Variants in PCDHGA11 observed in about 807,000 individuals in gnomAD.
PCDHGA11 encodes the protein protocadherin gamma-A11.
Under a neutral mutation model 60.4 loss-of-function variants are expected in PCDHGA11, and 39 were observed. The ratio of observed to expected loss-of-function variants is 0.65; its 90% confidence interval spans 0.50 to 0.84. PCDHGA11 has a LOEUF of 0.84. Among genes scored for constraint, PCDHGA11 ranks in the 40% least tolerant of loss-of-function variants. PCDHGA11 has a pLI of 0.00. For synonymous variants in PCDHGA11, 533 were observed against 510.3 expected (o/e 1.04, Z -0.60); for missense variants, 1,165 against 1,197.7 (o/e 0.97, Z 0.40).
rs554661873 is a variant in PCDHGA11, at chr5:141,487,723, T to C, written c.2434-7084T>C. ...GCCTCTCAGTAAGTGCCCATAGTGATGTCACCATTTTTGTAAGAGGTAACT... is the reference window on the plus strand; with the variant it reads ...GCCTCTCAGTAAGTGCCCATAGTGACGTCACCATTTTTGTAAGAGGTAACT... On this transcript the variant is annotated intron_variant, in intron 1 of 3. Transcript: ENST00000398587. The surrounding 1 kb of genome is among the most constrained non-coding windows in gnomAD (Gnocchi z 5.0). The C allele has an allele frequency of 2.6e-5, 41 of 1,574,932 alleles. No homozygotes were observed. Among genetic ancestry groups the C allele is most frequent in the Non-Finnish European group, 5.2e-6 (6 of 1,158,382 alleles).
chr5:141,444,152 A>AT (rs747671382), intron 1 of PCDHGA11, among the ~76,000 whole-genome samples: 1,130 of 33,890 alleles, frequency 0.033, 460 homozygotes, highest in Non-Finnish European at 0.038. Flanking sequence ...TGTGTACTGG[A>AT]TTTTTTTTTT....
intron 1 of PCDHGA11, among the ~76,000 whole-genome samples, chr5:141,445,784 G>A (rs2098477494): frequency 6.6e-6 from 1 of 152,168 alleles, no homozygotes; most frequent in Non-Finnish European, 1.5e-5. Flanking sequence ...GGGCTAGGGA[G>A]GCTAGAAACA....
intron 1 of PCDHGA11, chr5:141,478,531 C>G (rs771145308): frequency 1.2e-6 from 2 of 1,608,190 alleles, no homozygotes; most frequent in East Asian, 2.2e-5. Context: ...GTGCAGAGAG[C>G]GCCCCTCCCG....
At chr5:141,507,563 G>A (rs2099861587) in intron 3 of PCDHGA11, among the ~76,000 whole-genome samples, 1 of 152,222 alleles carries the variant, frequency 6.6e-6, no homozygotes, top group Non-Finnish European at 1.5e-5. Flanking sequence ...CAGGCGGCTG[G>A]GTCTGAGGAG....
In PCDHGA11 at chr5:141,486,828, G is replaced by T. The variant is rs140257646; in HGVS notation, c.2434-7979G>T. ...CCCCTTAGCAGCACTGTAACAGTTC[G>T]TCTATTTGTGCTGGACCTCAATGAC... On this transcript the variant is annotated intron_variant, in intron 1 of 3. Coordinates refer to ENST00000398587, the MANE Select transcript of PCDHGA11 (RefSeq NM_018914.3). This position sits in a 1 kb window ranked among gnomAD's most constrained non-coding sequence, Gnocchi z 5.0. The T allele has an allele frequency of 8.7e-6, 14 of 1,614,218 alleles. No homozygotes were observed. The highest frequency in any genetic ancestry group is 1.2e-5 in the Non-Finnish European group (14 of 1,180,042).
intron 1 of PCDHGA11, among the ~76,000 whole-genome samples, chr5:141,450,777 G>A (rs907160074): frequency 1.3e-5 from 2 of 150,004 alleles, no homozygotes; most frequent in East Asian, 2.0e-4. Context: ...ATGAGCCACC[G>A]TGCCCGGACC....
rs1452697214 is a variant in PCDHGA11, at chr5:141,476,552, G to A, written c.2434-18255G>A. ...CCAGGAAATGAAATTGGAGATTAGCGAGGCCGTGGCTCCGGGGACGCGCTT... is the reference window on the plus strand; with the variant it reads ...CCAGGAAATGAAATTGGAGATTAGCAAGGCCGTGGCTCCGGGGACGCGCTT... On this transcript the variant is annotated intron_variant, in intron 1 of 3. Transcript: ENST00000398587. The surrounding 1 kb of genome is among the most constrained non-coding windows in gnomAD (Gnocchi z 7.6). 1 of 1,614,210 alleles carries A rather than the reference G, an allele frequency of 6.2e-7. No homozygotes were observed. Among genetic ancestry groups the A allele is most frequent in the Non-Finnish European group, 8.5e-7 (1 of 1,180,032 alleles).
chr5:141,456,700 C>G (rs1420857227), intron 1 of PCDHGA11, among the ~76,000 whole-genome samples: 2 of 152,060 alleles, frequency 1.3e-5, no homozygotes, highest in Admixed American at 1.3e-4. Flanking sequence ...CGTGGTGGCT[C>G]GCGCCTGTAA....
chr5:141,507,487 G>A (rs889348168), intron 3 of PCDHGA11, among the ~76,000 whole-genome samples: 1 of 152,204 alleles, frequency 6.6e-6, no homozygotes, highest in African/African-American at 2.4e-5. Context: ...GCCTCCTGAG[G>A]CAGAGCTGTC....
chr5:141,477,037 G>A lies in PCDHGA11; in HGVS notation c.2434-17770G>A. ...TTGTAACCGGGATGCTGACAATCAAGGGTCGGCTGGACTTCGAGGACACCA... is the reference window on the plus strand; with the variant it reads ...TTGTAACCGGGATGCTGACAATCAAAGGTCGGCTGGACTTCGAGGACACCA... On this transcript the variant is annotated intron_variant, in intron 1 of 3. Coordinates refer to ENST00000398587, the MANE Select transcript of PCDHGA11 (RefSeq NM_018914.3). This position sits in a 1 kb window ranked among gnomAD's most constrained non-coding sequence, Gnocchi z 4.9. 6.2e-7 allele frequency: 1 copy of A among 1,614,266 alleles called. No individual in the cohort carries two copies. The highest frequency in any genetic ancestry group is 8.5e-7 in the Non-Finnish European group (1 of 1,180,052).
intron 1 of PCDHGA11, among the ~76,000 whole-genome samples, chr5:141,468,868 A>T (rs1006995156): frequency 9.2e-5 from 14 of 151,794 alleles, no homozygotes; most frequent in African/African-American, 2.4e-4. Flanking sequence ...TCCATCTCAA[A>T]AATAATAATA....
intron 1 of PCDHGA11, among the ~76,000 whole-genome samples, chr5:141,451,788 A>C (rs531473040): frequency 6.6e-6 from 1 of 152,140 alleles, no homozygotes; most frequent in African/African-American, 2.4e-5. Flanking sequence ...GGCTGAGGCC[A>C]GAGAATTGCT....
In PCDHGA11 at chr5:141,463,438, C is replaced by CTTT. The variant is rs71576115; in HGVS notation, c.2434-31343_2434-31341dup. ...GTTTGCGGATCCTCATTTCCTTCTC[C>CTTT]TTTTTTTTTTTTTTTTTTTTTTTTT... On this transcript the variant is annotated intron_variant, in intron 1 of 3. Coordinates refer to ENST00000398587, the MANE Select transcript of PCDHGA11 (RefSeq NM_018914.3). 5.0e-3 allele frequency among the ~76,000 whole-genome samples: 517 copies of CTTT among 103,248 alleles called. 61 individuals are homozygous for CTTT. The highest frequency in any genetic ancestry group is 0.017 in the African/African-American group (381 of 22,398). The allele number at this position is 103,248 out of a possible 152,430, so 67.7% of individuals were successfully genotyped here.
At position 141,489,749 on chromosome 5, in the gene PCDHGA11, AC is replaced by A; in HGVS notation, c.2434-5057del. ...GTGGGCACCAATACTGTGAGCTTTT[AC>A]ACTCTAAGCCCCAACAGCCACTTCT... is the stretch of plus-strand genomic sequence containing the variant. On this transcript the variant is annotated intron_variant, in intron 1 of 3. Transcript: ENST00000398587. The surrounding 1 kb of genome is among the most constrained non-coding windows in gnomAD (Gnocchi z 4.5). 6.2e-7 allele frequency: 1 copy of A among 1,614,126 alleles called. No individual in the cohort carries two copies. Among genetic ancestry groups the A allele is most frequent in the Non-Finnish European group, 8.5e-7 (1 of 1,180,002 alleles).
chr5:141,431,700 TC>T lies in PCDHGA11; in HGVS notation c.2433+8041del. On this transcript the variant is annotated intron_variant, in intron 1 of 3. Coordinates refer to ENST00000398587, the MANE Select transcript of PCDHGA11 (RefSeq NM_018914.3). The surrounding 1 kb of genome is among the most constrained non-coding windows in gnomAD (Gnocchi z 4.8). ...GAGTTGGACCACGAGGAGTCAGGAT[TC>T]TACCAGATGGAAGTGCAAGCAATGG... 6.2e-7 allele frequency: 1 copy of T among 1,614,218 alleles called. No individual in the cohort carries two copies.
At chr5:141,426,919 C>T (rs1220443930) in intron 1 of PCDHGA11, 1 of 456,620 alleles carries the variant, frequency 2.2e-6, no homozygotes, top group African/African-American at 2.0e-5. Flanking sequence ...GTCCTGGAAG[C>T]AATGGACATG....
At chr5:141,471,215 A>G (rs1562030197) in intron 1 of PCDHGA11, 1 of 149,038 alleles carries the variant, frequency 6.7e-6, no homozygotes, top group Non-Finnish European at 1.5e-5. Context: ...ATGCCTGGCA[A>G]TTTTTTTGTA....
chr5:141,471,893 T>G (rs1289667371), intron 1 of PCDHGA11, among the ~76,000 whole-genome samples: 1 of 152,166 alleles, frequency 6.6e-6, no homozygotes, highest in African/African-American at 2.4e-5. Flanking sequence ...CTAGGAAGAT[T>G]GACTACAGAC....
chr5:141,430,337 C>G (rs531455580), intron 1 of PCDHGA11, among the ~76,000 whole-genome samples: 1 of 150,908 alleles, frequency 6.6e-6, no homozygotes, highest in East Asian at 2.0e-4. Context: ...TTTATAGAAA[C>G]TTCCAATTCA....
Sources: allele counts gnomAD v4.1 joint callset (sites outside exome capture counted in the v4.1 genomes callset), GRCh38; gene constraint gnomAD v4.1.1; non-coding constraint Gnocchi (gnomAD v3.1); transcripts MANE v1.5; gene names NCBI Gene and HGNC (gene_info 2026-07-23, HGNC 2026-07-21).